Variants in DPM1 observed in about 807,000 individuals in gnomAD.
DPM1 encodes dolichol-phosphate mannosyltransferase subunit 1.
In DPM1, 27 loss-of-function variants were observed where a neutral mutation model predicts 39.0. The observed-to-expected ratio is 0.69, with a 90% CI of 0.51 to 0.95. The LOEUF (loss-of-function observed/expected upper bound fraction) is 0.95. DPM1 is among the 40% of genes least tolerant of loss of function. DPM1 has a pLI of 0.00. For missense variants in DPM1, 307 were observed against 315.6 expected (o/e 0.97, Z 0.21); for synonymous variants, 124 against 109.0 (o/e 1.14, Z -0.86).
At chr20:50,950,047 C>T (rs768127791) in intron 2 of DPM1, among the ~76,000 whole-genome samples, 1 of 152,084 alleles carries the variant, frequency 6.6e-6, no homozygotes, top group Non-Finnish European at 1.5e-5. Context: ...GCTTCTTTCT[C>T]TTTCTCCTTT....
intron 1 of DPM1, 126 bp from the exon 2 acceptor site, chr20:50,955,411 C>T: frequency 1.4e-6 from 1 of 704,586 alleles, no homozygotes; most frequent in Non-Finnish European, 2.4e-6. Context: ...TTGAGGAAAA[C>T]TTCAATTATC....
chr20:50,958,272 G>T, intron 1 of DPM1, 91 bp downstream of exon 1: 1 of 1,541,624 alleles, frequency 6.5e-7, no homozygotes, highest in Non-Finnish European at 8.8e-7. Context: ...AAGAAGGCTG[G>T]ACAGGGCCGC....
At chr20:50,945,404 G>C (rs191703821) in intron 5 of DPM1, among the ~76,000 whole-genome samples, 2 of 152,034 alleles carry the variant, frequency 1.3e-5, no homozygotes, top group Non-Finnish European at 2.9e-5. Flanking sequence ...GGAGAGGCAT[G>C]ATCATAGCTC....
intron 7 of DPM1, among the ~76,000 whole-genome samples, chr20:50,939,294 C>T (rs1205377407): frequency 1.3e-5 from 2 of 152,194 alleles, no homozygotes; most frequent in South Asian, 2.1e-4. Flanking sequence ...TGGCCCTTCC[C>T]GCTGTACAGA....
rs542159954 is a variant in DPM1 at position 50,935,482 on chromosome 20, GGTATT to G, written c.679-251_679-247del. Among the ~76,000 whole-genome samples, 9 of 152,272 alleles carry G rather than the reference GGTATT, an allele frequency of 5.9e-5. No individual in the cohort carries two copies. The East Asian group carries it at 1.7e-3, about 29-fold the overall frequency. ...AACTGTTTAAAAAGCACTGATTCTA[GGTATT>G]ACCTTGGTTTACTCAAGTTTCAGTT... is the stretch of plus-strand genomic sequence containing the variant. On this transcript the variant is annotated intron_variant, in intron 8 of 8. Transcript: ENST00000371588.
At chr20:50,951,131 C>G (rs907868119) in intron 2 of DPM1, among the ~76,000 whole-genome samples, 4 of 152,304 alleles carry the variant, frequency 2.6e-5, no homozygotes, top group Admixed American at 2.6e-4. Context: ...TGAACTTGGT[C>G]TAACTCAAAA....
chr20:50,957,815 C>G (rs1986909536), intron 1 of DPM1, among the ~76,000 whole-genome samples: 1 of 152,122 alleles, frequency 6.6e-6, no homozygotes, highest in African/African-American at 2.4e-5. Flanking sequence ...TCGAACTCCA[C>G]CCACCCCCCA....
chr20:50,945,749 G>A lies in DPM1; in HGVS notation c.386C>T (p.Pro129Leu), dbSNP rs1286492803. The change falls in exon 5 of 9, where the codon CCT (proline) becomes CTT (leucine). Residue 129 changes from proline (P) to leucine (L), a missense_variant. Around this residue, in one of 3 missense-constraint regions of DPM1, gnomAD observed 206 missense variants for 188.2 expected, o/e 1.09. Transcript: ENST00000371588. ...ADLSHHPKFI[P>L]EFIRKQKEGN... ...AAATAGTACCTACCTAATAAATTCA[G>A]GAATAAATTTTGGCTGAAATTTGAA... 1.9e-6 allele frequency: 3 copies of A among 1,581,092 alleles called. No homozygotes were observed. Among genetic ancestry groups the A allele is most frequent in the South Asian group, 1.1e-5 (1 of 90,372 alleles).
intron 2 of DPM1, among the ~76,000 whole-genome samples, chr20:50,949,110 C>T (rs1986448049): frequency 6.6e-6 from 1 of 152,168 alleles, no homozygotes; most frequent in African/African-American, 2.4e-5. Context: ...CCGCCCGCCT[C>T]GGCCTCCCAA....
At chr20:50,938,380 T>TA (rs1207343452) in intron 7 of DPM1, among the ~76,000 whole-genome samples, 5 of 150,712 alleles carry the variant, frequency 3.3e-5, no homozygotes, top group Admixed American at 6.6e-5. Flanking sequence ...ATTTAACTAT[T>TA]AAAAAAAATT....
chr20:50,949,884 C>T (rs939442709), intron 2 of DPM1, among the ~76,000 whole-genome samples: 1 of 151,944 alleles, frequency 6.6e-6, no homozygotes. Flanking sequence ...TTGTGGGAAG[C>T]ATATAGTTGG....
intron 8 of DPM1, among the ~76,000 whole-genome samples, 170 bp downstream of exon 8, chr20:50,935,978 G>A (rs1985124649): frequency 6.6e-6 from 1 of 152,136 alleles, no homozygotes; most frequent in African/African-American, 2.4e-5. Context: ...AAATCTTACT[G>A]TTCAAATGTA....
At chr20:50,949,015 C>A (rs1229454388) in intron 2 of DPM1, among the ~76,000 whole-genome samples, 1 of 152,128 alleles carries the variant, frequency 6.6e-6, no homozygotes, top group Non-Finnish European at 1.5e-5. Context: ...CATGCACCAC[C>A]ATGCCCGGCT....
At chr20:50,941,205 C>T (rs1270879910) in intron 6 of DPM1, 1 of 228,850 alleles carries the variant, frequency 4.4e-6, no homozygotes, top group Non-Finnish European at 7.4e-6. Context: ...GGCAAAACTC[C>T]ATCACTACAA....
At chr20:50,949,061 G>A (rs1199057162) in intron 2 of DPM1, among the ~76,000 whole-genome samples, 11 of 152,052 alleles carry the variant, frequency 7.2e-5, no homozygotes, top group South Asian at 2.1e-4. Flanking sequence ...GGGTTCCACC[G>A]TGTTAGCCAG....
intron 6 of DPM1, among the ~76,000 whole-genome samples, chr20:50,941,548 T>C (rs949659322): frequency 2.6e-5 from 4 of 151,416 alleles, no homozygotes; most frequent in African/African-American, 9.7e-5. Context: ...CCCATCTCTA[T>C]GAAACAAAAA....
In DPM1 at chr20:50,942,112, C is replaced by T. The variant is rs373944766; in HGVS notation, c.413G>A (p.Gly138Asp). 164 of 1,613,844 alleles carry T rather than the reference C, an allele frequency of 1.0e-4. No homozygotes were observed. Among genetic ancestry groups the T allele is most frequent in the Non-Finnish European group, 1.4e-4 (162 of 1,179,936 alleles). Residue 138 changes from glycine (G) to aspartate (D), a missense_variant, in exon 6 of 9, where the codon GGT (glycine) becomes GAT (aspartate). By Grantham distance (94) the Gly-to-Asp change is moderately conservative. Around this residue, in one of 3 missense-constraint regions of DPM1, gnomAD observed 206 missense variants for 188.2 expected, o/e 1.09. Transcript: ENST00000371588. ...IPEFIRKQKE[G>D]NFDIVSGTRY... ...AGTTCCAGAGACAATATCAAAATTA[C>T]CCTCCTTTTGCTTCCTGTAGAATAA...
At chr20:50,947,773 T>C (rs1200881089) in intron 3 of DPM1, among the ~76,000 whole-genome samples, 1 of 152,106 alleles carries the variant, frequency 6.6e-6, no homozygotes, top group Non-Finnish European at 1.5e-5. Flanking sequence ...GGATTATAGA[T>C]GCGCGTCACG....
intron 3 of DPM1, among the ~76,000 whole-genome samples, chr20:50,947,954 G>A (rs1568769368): frequency 6.6e-6 from 1 of 152,158 alleles, no homozygotes. Flanking sequence ...TTTTAAACTT[G>A]TAACTTAAAG....
Sources: gnomAD v4.1 joint callset for allele counts (sites outside exome capture counted in the v4.1 genomes callset) on GRCh38, gnomAD v4.1.1 for gene constraint, gnomAD v4.1.1 regional missense constraint, MANE v1.5 for transcripts, NCBI Gene and HGNC (gene_info 2026-07-23, HGNC 2026-07-21) for gene names.